RCAN2: variants seen among roughly 807,000 people sequenced by gnomAD.
RCAN2 encodes regulator of calcineurin 2, also known as calcipressin-2.
RCAN2 carries 9 observed loss-of-function variants against 23.6 expected under a neutral mutation model. The ratio of observed to expected loss-of-function variants is 0.38; its 90% CI spans 0.23 to 0.67. The LOEUF is 0.67. RCAN2 is among the 30% of genes least tolerant of loss of function. RCAN2 has a pLI of 0.51. For missense variants in RCAN2, 273 were observed against 302.3 expected (o/e 0.90, Z 0.72); for synonymous variants, 109 against 115.7 (o/e 0.94, Z 0.37).
At chr6:46,365,135 T>C (rs1194467400) in intron 2 of RCAN2, among the ~76,000 whole-genome samples, 1 of 152,128 alleles carries the variant, frequency 6.6e-6, no homozygotes, top group Non-Finnish European at 1.5e-5. Context: ...ATAAATGTAA[T>C]GCACTTGAAT....
chr6:46,491,630 G>T (rs975797466), upstream of RCAN2, among the ~76,000 whole-genome samples: 1 of 151,782 alleles, frequency 6.6e-6, no homozygotes, highest in Admixed American at 6.6e-5. Context: ...CCGCACCTCC[G>T]GGGCTCTCAC....
intron 2 of RCAN2, among the ~76,000 whole-genome samples, chr6:46,339,232 T>C (rs1398348194): frequency 1.3e-5 from 2 of 151,846 alleles, no homozygotes; most frequent in East Asian, 3.9e-4. Context: ...AATTATAATA[T>C]GATGTGGTAT....
At chr6:46,391,275 C>T (rs1254580757) in intron 2 of RCAN2, among the ~76,000 whole-genome samples, 2 of 152,156 alleles carry the variant, frequency 1.3e-5, no homozygotes, top group African/African-American at 4.8e-5. Context: ...AGCTGGAAAC[C>T]ATCATTCTCA....
intron 1 of RCAN2, among the ~76,000 whole-genome samples, chr6:46,487,092 A>T (rs1769013526): frequency 6.6e-6 from 1 of 152,248 alleles, no homozygotes; most frequent in Admixed American, 6.5e-5. Flanking sequence ...GCACAGACAC[A>T]CACAGAACAG....
chr6:46,293,039 C>T (rs574389474), intron 2 of RCAN2, among the ~76,000 whole-genome samples: 12 of 152,282 alleles, frequency 7.9e-5, no homozygotes, highest in Non-Finnish European at 1.8e-4. Flanking sequence ...CATGTCCCTG[C>T]AAAAGTTATG....
At chr6:46,261,833 A>G (rs1767119523) in intron 2 of RCAN2, among the ~76,000 whole-genome samples, 2 of 152,200 alleles carry the variant, frequency 1.3e-5, no homozygotes, top group South Asian at 4.1e-4. Context: ...TCCTTTACAA[A>G]ACAACATGAT....
At chr6:46,444,521 C>T (rs1481801536) in intron 2 of RCAN2, among the ~76,000 whole-genome samples, 1 of 152,208 alleles carries the variant, frequency 6.6e-6, no homozygotes, top group Non-Finnish European at 1.5e-5. Flanking sequence ...AGGCAAGCAC[C>T]TATGGCCCCA....
intron 2 of RCAN2, among the ~76,000 whole-genome samples, chr6:46,308,836 T>C (rs982957218): frequency 2.6e-5 from 4 of 152,108 alleles, no homozygotes; most frequent in Admixed American, 2.6e-4. Flanking sequence ...AAAAAATTGA[T>C]TAATCATGAA....
intron 1 of RCAN2, among the ~76,000 whole-genome samples, chr6:46,458,501 A>G (rs1048501820): frequency 1.3e-5 from 2 of 152,168 alleles, no homozygotes; most frequent in Non-Finnish European, 2.9e-5. Context: ...AAAAATTTCT[A>G]TATAAAATAT....
chr6:46,269,405 G>A (rs1767448617), intron 2 of RCAN2, among the ~76,000 whole-genome samples: 7 of 152,176 alleles, frequency 4.6e-5, no homozygotes. Flanking sequence ...GTGTTCTTGT[G>A]TTACAGCTGT....
intron 2 of RCAN2, among the ~76,000 whole-genome samples, chr6:46,251,326 C>T (rs1766706610): frequency 6.6e-6 from 1 of 152,166 alleles, no homozygotes; most frequent in Non-Finnish European, 1.5e-5. Context: ...CATTCTGTTT[C>T]CTCACAATGA....
intron 2 of RCAN2, among the ~76,000 whole-genome samples, chr6:46,268,316 G>C (rs1451119727): frequency 2.0e-5 from 3 of 152,152 alleles, no homozygotes; most frequent in African/African-American, 7.2e-5. Context: ...TGAACTTCCA[G>C]GTTCCTAATT....
chr6:46,451,505 G>A (rs1350560492), intron 2 of RCAN2, among the ~76,000 whole-genome samples: 1 of 152,132 alleles, frequency 6.6e-6, no homozygotes, highest in Non-Finnish European at 1.5e-5. Context: ...TAGTACTATA[G>A]ATAAGAGATT....
intron 2 of RCAN2, among the ~76,000 whole-genome samples, chr6:46,373,809 C>G (rs1021017932): frequency 2.6e-5 from 4 of 152,108 alleles, no homozygotes; most frequent in African/African-American, 9.7e-5. Context: ...CTCTGTCTCT[C>G]TCTTTCTCCA....
At chr6:46,290,144 A>C (rs942578446) in intron 2 of RCAN2, among the ~76,000 whole-genome samples, 1 of 152,122 alleles carries the variant, frequency 6.6e-6, no homozygotes, top group Admixed American at 6.5e-5. Context: ...TGCAGAAAAA[A>C]AAAAATGCAT....
chr6:46,243,634 C>T (rs978715022), intron 4 of RCAN2, among the ~76,000 whole-genome samples: 1 of 151,760 alleles, frequency 6.6e-6, no homozygotes, highest in African/African-American at 2.4e-5. Flanking sequence ...CATGGTGAAA[C>T]CCCGTCTGTA....
At chr6:46,282,266 C>A (rs1403885666) in intron 2 of RCAN2, among the ~76,000 whole-genome samples, 1 of 152,042 alleles carries the variant, frequency 6.6e-6, no homozygotes, top group Non-Finnish European at 1.5e-5. Flanking sequence ...TCACACTGGG[C>A]TGGGCACGGT....
At chr6:46,345,222 G>A (rs989420163) in intron 2 of RCAN2, among the ~76,000 whole-genome samples, 1 of 151,866 alleles carries the variant, frequency 6.6e-6, no homozygotes, top group African/African-American at 2.4e-5. Flanking sequence ...AGAAGTGAAT[G>A]CACTTAATAA....
rs536367903 is a variant in RCAN2 at position 46,300,420 on chromosome 6, G to T, written c.226-51524C>A. 4.4e-3 allele frequency among the ~76,000 whole-genome samples: 663 copies of T among 152,018 alleles called. 1 individual carries two copies. The highest frequency in any genetic ancestry group is 7.1e-3 in the Non-Finnish European group (482 of 67,870). The stretch of plus-strand genomic sequence containing the variant: ...AAAAGGATGGAGTGACTATCTTAAA[G>T]TTTTATGATAGAAATGGTATATAAA... On this transcript the variant is annotated intron_variant, in intron 2 of 4. Transcript: ENST00000371374.
Sources: allele counts gnomAD v4.1 joint callset (sites outside exome capture counted in the v4.1 genomes callset), GRCh38; gene constraint gnomAD v4.1.1; transcripts MANE v1.5; gene names NCBI Gene and HGNC (gene_info 2026-07-23, HGNC 2026-07-21).